Variants in MCF2L observed in about 807,000 individuals in gnomAD.
MCF2L encodes guanine nucleotide exchange factor DBS.
Under a neutral mutation model 153.4 loss-of-function variants are expected in MCF2L, and 97 were observed. The observed-to-expected ratio is 0.63, with a 90% CI of 0.54 to 0.75. The LOEUF is 0.75. Among genes scored for constraint, MCF2L ranks in the 30% least tolerant of loss-of-function variants. The pLI, the probability that MCF2L is intolerant of heterozygous loss-of-function variation, is 0.00. For synonymous variants in MCF2L, 659 were observed against 632.2 expected, an observed-to-expected ratio of 1.04 and a Z score of -0.64; for missense variants, 1,347 against 1,495.2, an observed-to-expected ratio of 0.90 and a Z score of 1.64.
chr13:113,050,643 C>T (rs1594834094), intron 4 of MCF2L, among the ~76,000 whole-genome samples: 2 of 106,892 alleles, frequency 1.9e-5, no homozygotes, highest in Non-Finnish European at 3.9e-5. Context: ...GCGGTGGGGG[C>T]GGTGGGAGCC....
chr13:112,973,010 G>A (rs189367938), intron 1 of MCF2L, among the ~76,000 whole-genome samples: 106 of 151,850 alleles, frequency 7.0e-4, no homozygotes, highest in East Asian at 4.7e-3. Flanking sequence ...ACAGCTGTTC[G>A]GCACCCCCCA....
intron 16 of MCF2L, among the ~76,000 whole-genome samples, chr13:113,082,042 G>A (rs1203518926): frequency 6.6e-6 from 1 of 151,832 alleles, no homozygotes; most frequent in South Asian, 2.1e-4. Context: ...GTGTGCACAG[G>A]TGGTGGTCAC....
chr13:113,017,691 C>T (rs915396473), intron 2 of MCF2L, among the ~76,000 whole-genome samples: 3 of 152,134 alleles, frequency 2.0e-5, no homozygotes, highest in African/African-American at 7.2e-5. Context: ...CCCTGTCTCG[C>T]TCCACTCGAA....
At chr13:113,017,079 C>T (rs2141218046) in intron 2 of MCF2L, among the ~76,000 whole-genome samples, 2 of 152,354 alleles carry the variant, frequency 1.3e-5, no homozygotes, top group South Asian at 4.1e-4. Flanking sequence ...GCTTCTCCTG[C>T]AGATGTGCGC....
Position 112,973,552 on chromosome 13 carries a change from C to T in MCF2L, c.79+4094C>T, listed in dbSNP as rs139364789. Among the ~76,000 whole-genome samples the T allele has an allele frequency of 1.3e-3, 199 of 152,322 alleles. 1 individual carries two copies. Among genetic ancestry groups the T allele is most frequent in the African/African-American group, 4.5e-3 (188 of 41,566 alleles). ...GTGTTGCTGACCTTCTGTGATCTGA[C>T]GCCACGGCTCAGTGCTTCCCAAGAG... On this transcript the variant is annotated intron_variant, in intron 1 of 29. Coordinates refer to ENST00000535094, the MANE Select transcript of MCF2L (RefSeq NM_001112732.3).
intron 2 of MCF2L, among the ~76,000 whole-genome samples, chr13:113,015,936 G>A (rs935446965): frequency 2.0e-5 from 3 of 152,076 alleles, no homozygotes; most frequent in African/African-American, 7.2e-5. Context: ...TTCCTCCTGC[G>A]TCCCCAGCCT....
At chr13:112,963,275 G>A (rs535711258) in intron 2 of MCF2L, among the ~76,000 whole-genome samples, 1 of 152,218 alleles carries the variant, frequency 6.6e-6, no homozygotes, top group Non-Finnish European at 1.5e-5. Flanking sequence ...TGCTTTTGAA[G>A]GAATTCTTTC....
At chr13:112,975,115 A>G (rs1209492809) in intron 1 of MCF2L, among the ~76,000 whole-genome samples, 1 of 152,146 alleles carries the variant, frequency 6.6e-6, no homozygotes, top group Non-Finnish European at 1.5e-5. Context: ...GGTCACATTC[A>G]TTTTATAACT....
chr13:112,926,537 A>G (rs1005032061), intron 2 of MCF2L, among the ~76,000 whole-genome samples: 2 of 152,330 alleles, frequency 1.3e-5, no homozygotes, highest in South Asian at 4.1e-4. Flanking sequence ...CCTGGTCTAC[A>G]TGCACAGGGG....
chr13:112,979,579 G>C, intron 1 of MCF2L: 6 of 1,587,686 alleles, frequency 3.8e-6, no homozygotes, highest in Non-Finnish European at 5.1e-6. Flanking sequence ...GAAGGCTGTG[G>C]CTCTAGCATC....
intron 1 of MCF2L, among the ~76,000 whole-genome samples, chr13:112,897,867 G>C (rs115525313): frequency 0.016 from 2,390 of 152,272 alleles, 79 homozygotes; most frequent in African/African-American, 0.055. Flanking sequence ...ACTGGAGTGA[G>C]GGCTGCAGTC....
Position 113,085,445 on chromosome 13 carries a change from C to G in MCF2L, c.2247+267C>G, listed in dbSNP as rs990525431. Among the ~76,000 whole-genome samples, 4 of 152,314 alleles carry G rather than the reference C, an allele frequency of 2.6e-5. No individual in the cohort carries two copies. The South Asian group carries it at 6.2e-4, about 24-fold the overall frequency. ...TGGGATTCTGTGTGATGTGCTGACC[C>G]GTCCCTCCAGGGTGGAGCCGTGCCC... On this transcript the variant is annotated intron_variant, in intron 20 of 29. Coordinates refer to ENST00000535094, the MANE Select transcript of MCF2L (RefSeq NM_001112732.3).
At chr13:112,968,142 T>TTG (rs1555355444), upstream of MCF2L, among the ~76,000 whole-genome samples, 1 of 59,450 alleles carries the variant, frequency 1.7e-5, no homozygotes, top group Non-Finnish European at 3.7e-5. Flanking sequence ...GGGAGTGAGG[T>TTG]GGGGGGGGGG....
In MCF2L at chr13:113,096,787, G is replaced by A. The variant is rs144616060; in HGVS notation, c.3306G>A (p.Gly1102=). Residue 1102 remains glycine (G), a synonymous_variant, in exon 30 of 30, where the codon GGG becomes GGA. Transcript: ENST00000535094. The part of the protein sequence containing the change: ...QCLSSSESSP[G]SAVLSNSSSC... Reference sequence around the variant, plus strand: ...ATCTCCCCGCAGAGTCGAGCCCGGGGTCGGCCGTGCTGAGCAACTCGTCCA... The same window carrying A: ...ATCTCCCCGCAGAGTCGAGCCCGGGATCGGCCGTGCTGAGCAACTCGTCCA... 5.4e-4 allele frequency: 840 copies of A among 1,568,508 alleles called. No homozygotes were observed. The highest frequency in any genetic ancestry group is 6.9e-4 in the Non-Finnish European group (804 of 1,166,598).
At chr13:112,978,521 G>A (rs557581246) in intron 1 of MCF2L, among the ~76,000 whole-genome samples, 3 of 152,192 alleles carry the variant, frequency 2.0e-5, no homozygotes, top group Admixed American at 6.5e-5. Context: ...ACACCAAGGC[G>A]CCACCTCTCA....
At chr13:113,041,787 C>T (rs571709915) in intron 3 of MCF2L, among the ~76,000 whole-genome samples, 11 of 152,218 alleles carry the variant, frequency 7.2e-5, no homozygotes, top group South Asian at 2.1e-4. Flanking sequence ...GTGGGGGCTG[C>T]GCAGGGCAGG....
intron 4 of MCF2L, among the ~76,000 whole-genome samples, chr13:113,056,941 G>GTGTT (rs2030016240): frequency 7.3e-6 from 1 of 136,098 alleles, no homozygotes; most frequent in African/African-American, 2.9e-5. Context: ...TGGGTGCTGA[G>GTGTT]TGGGTGCTGT....
intron 1 of MCF2L, among the ~76,000 whole-genome samples, chr13:112,984,359 C>T (rs977755351): frequency 8.5e-5 from 13 of 152,070 alleles, no homozygotes; most frequent in African/African-American, 2.9e-4. Context: ...CTCAGCCTCC[C>T]GAGTAGCTGG....
chr13:113,091,230 G>C, intron 26 of MCF2L: 1 of 1,303,502 alleles, frequency 7.7e-7, no homozygotes, highest in Non-Finnish European at 1.0e-6. Context: ...CACCCACTCT[G>C]CGTTGGCAGG....
Sources: gnomAD v4.1 joint callset for allele counts (sites outside exome capture counted in the v4.1 genomes callset) on GRCh38, gnomAD v4.1.1 for gene constraint, MANE v1.5 for transcripts, NCBI Gene and HGNC (gene_info 2026-07-23, HGNC 2026-07-21) for gene names.